The following IGF1R variants were observed in gnomAD, a reference collection of about 807,000 sequenced individuals.
IGF1R encodes insulin like growth factor 1 receptor.
Under a neutral mutation model 144.6 loss-of-function variants are expected in IGF1R, and 44 were observed. The observed-to-expected ratio is 0.30, with a 90% CI of 0.24 to 0.39. The LOEUF (loss-of-function observed/expected upper bound fraction) is 0.39. IGF1R is among the 10% of genes least tolerant of loss of function. The probability of loss-of-function intolerance (pLI) is 1.00; values close to 1 mark genes in which losing one functional copy is unlikely to be tolerated. For missense variants in IGF1R, 1,355 were observed against 1,833.7 expected, an observed-to-expected ratio of 0.74 and a Z score of 4.77; for synonymous variants, 795 against 722.8, an observed-to-expected ratio of 1.10 and a Z score of -1.60.
chr15:98,660,956 C>G (rs941804051), intron 1 of IGF1R, among the ~76,000 whole-genome samples: 3 of 152,138 alleles, frequency 2.0e-5, no homozygotes, highest in Non-Finnish European at 2.9e-5. Flanking sequence ...TGCAGAGGGC[C>G]AGGGTGGCAT....
At chr15:98,878,353 A>G (rs541170224) in intron 2 of IGF1R, among the ~76,000 whole-genome samples, 39 of 152,360 alleles carry the variant, frequency 2.6e-4, no homozygotes, top group African/African-American at 8.9e-4. Flanking sequence ...GTAAGCATGA[A>G]CAACCAGTCA....
chr15:98,872,976 T>C (rs914688784), intron 2 of IGF1R, among the ~76,000 whole-genome samples: 1 of 152,100 alleles, frequency 6.6e-6, no homozygotes, highest in Non-Finnish European at 1.5e-5. Flanking sequence ...TCTGGACTGG[T>C]AGTTTTGTTT....
chr15:98,673,338 C>T (rs569225641), intron 1 of IGF1R, among the ~76,000 whole-genome samples: 2 of 152,218 alleles, frequency 1.3e-5, no homozygotes, highest in Middle Eastern at 3.4e-3. Flanking sequence ...CTCTTAGTGG[C>T]GGACTAGCGG....
chr15:98,685,473 G>A (rs1016138278), intron 1 of IGF1R, among the ~76,000 whole-genome samples: 10 of 152,256 alleles, frequency 6.6e-5, no homozygotes, highest in Non-Finnish European at 8.8e-5. Context: ...TAGGGCACCC[G>A]CTTCCCAGTG....
At chr15:98,954,534 C>T (rs982325343) in intron 20 of IGF1R, 2 of 152,284 alleles carry the variant, frequency 1.3e-5, no homozygotes, top group Admixed American at 6.5e-5. Flanking sequence ...AAAAGACTTC[C>T]TTTCATGGGC....
At position 98,960,741 on chromosome 15, in the gene IGF1R, C is replaced by A. The variant is rs55940243; in HGVS notation, c.*3299C>A. On this transcript the variant is annotated 3_prime_UTR_variant, in exon 21 of 21. Coordinates refer to ENST00000650285, the MANE Select transcript of IGF1R (RefSeq NM_000875.5). ...GCGCCAGAATGCAGAGGCTCCTGAC[C>A]TCACAGCCAGTCCCTGATAGAACAC... The A allele has an allele frequency of 1.3e-5, 3 of 233,412 alleles. No individual in the cohort carries two copies. The highest frequency in any genetic ancestry group is 5.6e-5 in the Admixed American group (1 of 17,784). 14.5% of individuals were successfully genotyped at this position (233,412 alleles called of 1,614,324 possible).
intron 2 of IGF1R, among the ~76,000 whole-genome samples, chr15:98,889,380 C>A (rs769783572): frequency 6.6e-6 from 1 of 152,126 alleles, no homozygotes; most frequent in East Asian, 1.9e-4. Context: ...GTGTGTAAAC[C>A]GGTACAAACT....
intron 2 of IGF1R, among the ~76,000 whole-genome samples, chr15:98,809,672 C>G (rs1158786301): frequency 6.6e-6 from 1 of 152,162 alleles, no homozygotes; most frequent in Non-Finnish European, 1.5e-5. Context: ...AGGAATACTT[C>G]AAGAAAATGT....
chr15:98,940,863 G>A (rs1038626024), intron 18 of IGF1R, among the ~76,000 whole-genome samples: 3 of 152,186 alleles, frequency 2.0e-5, no homozygotes, highest in South Asian at 2.1e-4. Context: ...ACGTTGAGAC[G>A]TCCTCACGTT....
intron 19 of IGF1R, among the ~76,000 whole-genome samples, chr15:98,944,897 T>C (rs191219576): frequency 2.0e-5 from 3 of 152,384 alleles, no homozygotes; most frequent in East Asian, 3.9e-4. Flanking sequence ...GTGACACCCA[T>C]TGGACCTTCT....
intron 2 of IGF1R, among the ~76,000 whole-genome samples, chr15:98,864,915 G>A (rs1201246610): frequency 6.6e-6 from 1 of 152,124 alleles, no homozygotes; most frequent in Non-Finnish European, 1.5e-5. Context: ...CCTCACACAA[G>A]AGCGTGCAAG....
chr15:98,868,874 T>C (rs1443386412), intron 2 of IGF1R, among the ~76,000 whole-genome samples: 1 of 152,332 alleles, frequency 6.6e-6, no homozygotes, highest in East Asian at 1.9e-4. Flanking sequence ...TACCTGCAGC[T>C]CTGACTCATC....
At chr15:98,714,680 T>C (rs939637337) in intron 2 of IGF1R, among the ~76,000 whole-genome samples, 1 of 152,042 alleles carries the variant, frequency 6.6e-6, no homozygotes, top group Non-Finnish European at 1.5e-5. Flanking sequence ...TAACTAAGTT[T>C]TATGGCTAGC....
At chr15:98,789,506 G>A (rs1055950961) in intron 2 of IGF1R, among the ~76,000 whole-genome samples, 1 of 152,132 alleles carries the variant, frequency 6.6e-6, no homozygotes, top group Admixed American at 6.5e-5. Flanking sequence ...CCCTGACGCC[G>A]AGTCCTCGCC....
intron 1 of IGF1R, 86 bp downstream of exon 1, chr15:98,649,761 C>A: frequency 2.9e-6 from 3 of 1,030,612 alleles, no homozygotes; most frequent in South Asian, 1.3e-5. Context: ...GAGTTGCCAC[C>A]GTCGCAGCTG....
At chr15:98,873,247 T>A (rs2012880797) in intron 2 of IGF1R, among the ~76,000 whole-genome samples, 1 of 152,210 alleles carries the variant, frequency 6.6e-6, no homozygotes, top group South Asian at 2.1e-4. Context: ...TTTCCACTTT[T>A]TCCTATTCTT....
chr15:98,916,995 CTG>C, intron 10 of IGF1R, 119 bp downstream of exon 10: 1 of 854,560 alleles, frequency 1.2e-6, no homozygotes, highest in South Asian at 1.4e-5. Flanking sequence ...ACAGTAGCCA[CTG>C]AGACGGAGCC....
intron 2 of IGF1R, among the ~76,000 whole-genome samples, chr15:98,878,450 C>A (rs2013171925): frequency 6.6e-6 from 1 of 152,074 alleles, no homozygotes; most frequent in African/African-American, 2.4e-5. Flanking sequence ...AAGGAATATA[C>A]AAACAGTTCC....
rs771315978 is a variant in IGF1R at position 98,963,603 on chromosome 15, T to G, written c.*6161T>G. ...ACAGTGCCATGGACATGGGAAGACTTGACTGCACAGCCAATGGTTTTCATG... is the reference window on the plus strand; with the variant it reads ...ACAGTGCCATGGACATGGGAAGACTGGACTGCACAGCCAATGGTTTTCATG... On this transcript the variant is annotated 3_prime_UTR_variant, in exon 21 of 21. Transcript: ENST00000650285. 11 of 233,156 alleles carry G rather than the reference T, an allele frequency of 4.7e-5. No individual in the cohort carries two copies. The highest frequency in any genetic ancestry group is 6.8e-5 in the Non-Finnish European group (8 of 118,040). 14.4% of individuals were successfully genotyped at this position (233,156 alleles called of 1,614,324 possible).
Sources: allele counts gnomAD v4.1 joint callset (sites outside exome capture counted in the v4.1 genomes callset), GRCh38; gene constraint gnomAD v4.1.1; transcripts MANE v1.5; gene names NCBI Gene and HGNC (gene_info 2026-07-23, HGNC 2026-07-21).